The following MAP6 variants were observed in gnomAD, a reference collection of about 807,000 sequenced individuals.
MAP6 encodes microtubule associated protein 6.
A neutral mutation model predicts 42.4 loss-of-function variants in MAP6; 26 were observed. That is an observed-to-expected ratio of 0.61 (90% CI 0.45 to 0.85). The LOEUF is 0.85. Among genes scored for constraint, MAP6 ranks in the 40% least tolerant of loss-of-function variants. The pLI, the probability that MAP6 is intolerant of heterozygous loss-of-function variation, is 0.00. For missense variants in MAP6, 966 were observed against 1,099.0 expected, an observed-to-expected ratio of 0.88 and a Z score of 1.71; for synonymous variants, 418 against 443.8, an observed-to-expected ratio of 0.94 and a Z score of 0.73.
Position 75,605,373 on chromosome 11 carries a change from C to T in MAP6, c.1316+435G>A, listed in dbSNP as rs180798758. 217 of 987,950 alleles carry T rather than the reference C, an allele frequency of 2.2e-4. 1 individual carries two copies. In the African/African-American group the frequency reaches 2.4e-3, roughly 11 times the overall value. 61.2% of individuals were successfully genotyped at this position (987,950 alleles called of 1,614,324 possible). A position where few individuals can be genotyped will look rare whatever the true frequency, so the allele number is the denominator to read the frequency against. ...CAGGCTGAGCTTCTGTGGCACATGA[C>T]GATTCTCTGAATTTTTGAAAAGAAC... On this transcript the variant is annotated intron_variant, in intron 3 of 3. Coordinates refer to ENST00000304771, the MANE Select transcript of MAP6 (RefSeq NM_033063.2).
Position 75,587,491 on chromosome 11 carries a change from C to A in MAP6, c.2010G>T (p.Lys670Asn). ...GCCCTGAGACCACTAAACCTTGATT[C>A]TTTACAGGCTCAGAGACCATGGAAC... ...NQGSMVSEPV[K>N]NQGLVVSGPV... The change falls in exon 4 of 4, where the codon AAG becomes AAT. Residue 670 changes from lysine to asparagine, a missense_variant. Transcript: ENST00000304771. 2.5e-6 allele frequency: 4 copies of A among 1,614,202 alleles called. No individual in the cohort carries two copies. The highest frequency in any genetic ancestry group is 3.4e-6 in the Non-Finnish European group (4 of 1,180,026).
intron 3 of MAP6, among the ~76,000 whole-genome samples, chr11:75,592,015 A>G (rs960444252): frequency 6.6e-6 from 1 of 152,210 alleles, no homozygotes; most frequent in African/African-American, 2.4e-5. Context: ...GCCTTATGTC[A>G]TTCAACCCTC....
At chr11:75,656,033 G>A (rs1943743189) in intron 1 of MAP6, among the ~76,000 whole-genome samples, 1 of 152,210 alleles carries the variant, frequency 6.6e-6, no homozygotes, top group South Asian at 2.1e-4. Context: ...ACTCAATTAT[G>A]TCTCTGTTCT....
intron 1 of MAP6, among the ~76,000 whole-genome samples, chr11:75,612,441 T>A (rs963217735): frequency 6.6e-6 from 1 of 152,150 alleles, no homozygotes; most frequent in Non-Finnish European, 1.5e-5. Flanking sequence ...GGGAAAGGAA[T>A]GCTTAACTCT....
chr11:75,604,041 A>G, intron 3 of MAP6: 1 of 985,884 alleles, frequency 1.0e-6, no homozygotes, highest in South Asian at 4.7e-5. Context: ...TCATTTCCTG[A>G]TAGCTTTCAA....
chr11:75,603,875 C>T (rs2135583756), intron 3 of MAP6: 1 of 985,434 alleles, frequency 1.0e-6, no homozygotes, highest in East Asian at 1.1e-4. Context: ...CAAATTGTGG[C>T]TAGCATCAAC....
chr11:75,631,405 G>T (rs1223197697), intron 1 of MAP6, among the ~76,000 whole-genome samples: 1 of 152,186 alleles, frequency 6.6e-6, no homozygotes, highest in Non-Finnish European at 1.5e-5. Flanking sequence ...GTGGTGTGCA[G>T]ATTTAATGAA....
chr11:75,667,989 G>T lies in MAP6; in HGVS notation c.381C>A (p.Ala127=), dbSNP rs1368966050. The change falls in exon 1 of 4, where the codon GCC becomes GCA. Residue 127 remains alanine (A), a synonymous_variant. Coordinates refer to ENST00000304771, the MANE Select transcript of MAP6 (RefSeq NM_033063.2). The surrounding 1 kb of genome is among the most constrained non-coding windows in gnomAD (Gnocchi z 5.6). ...ADSVMRQDYR[A]WKVQRPEPSC... is the part of the protein sequence containing the mutation. The stretch of plus-strand genomic sequence containing the variant: ...TGGGCTCGGGCCGCTGCACCTTCCA[G>T]GCTCGGTAATCCTGCCGCATCACCG... 8 of 1,263,952 alleles carry T rather than the reference G, an allele frequency of 6.3e-6. No homozygotes were observed. The highest frequency in any genetic ancestry group is 8.0e-6 in the Non-Finnish European group (8 of 1,002,006). The allele number at this position is 1,263,952 out of a possible 1,614,324, so 78.3% of individuals were successfully genotyped here.
chr11:75,625,732 TCTTA>T (rs1215470541), intron 1 of MAP6, among the ~76,000 whole-genome samples: 2 of 152,340 alleles, frequency 1.3e-5, no homozygotes, highest in African/African-American at 2.4e-5. Context: ...AACTTTTTTC[TCTTA>T]CTTAAATATC....
At chr11:75,599,202 T>A (rs2135578912) in intron 3 of MAP6, among the ~76,000 whole-genome samples, 1 of 152,230 alleles carries the variant, frequency 6.6e-6, no homozygotes, top group South Asian at 2.1e-4. Context: ...TGGCCCCAGA[T>A]AAGAGTTCTG....
chr11:75,646,606 G>A (rs1455050788), intron 1 of MAP6, among the ~76,000 whole-genome samples: 6 of 151,370 alleles, frequency 4.0e-5, no homozygotes, highest in African/African-American at 1.5e-4. Context: ...GGAGTTCGAG[G>A]CCAGCCTGAC....
intron 1 of MAP6, among the ~76,000 whole-genome samples, chr11:75,615,906 G>T (rs1355321135): frequency 6.8e-6 from 1 of 146,038 alleles, no homozygotes; most frequent in Non-Finnish European, 1.5e-5. Context: ...TGTCACTGAT[G>T]AGGCCAGGCC....
chr11:75,603,863 T>A (rs1485743779), intron 3 of MAP6: 6 of 985,318 alleles, frequency 6.1e-6, no homozygotes, highest in Non-Finnish European at 7.2e-6. Flanking sequence ...TATGGAGAAA[T>A]CCAAATTGTG....
intron 1 of MAP6, among the ~76,000 whole-genome samples, chr11:75,620,343 T>C (rs2135611726): frequency 6.6e-6 from 1 of 152,088 alleles, no homozygotes; most frequent in East Asian, 1.9e-4. Flanking sequence ...TTGTGGCTCA[T>C]GCCTGTAGTC....
chr11:75,609,630 C>T (rs1942852135), intron 1 of MAP6, among the ~76,000 whole-genome samples: 1 of 152,238 alleles, frequency 6.6e-6, no homozygotes, highest in Admixed American at 6.5e-5. Context: ...GTCCTTCTAG[C>T]TCTGAGGCTG....
chr11:75,610,654 AT>A (rs1342233698), intron 1 of MAP6, among the ~76,000 whole-genome samples: 1 of 152,188 alleles, frequency 6.6e-6, no homozygotes, highest in African/African-American at 2.4e-5. Flanking sequence ...TGGAAAGAGA[AT>A]TTTGAGAGCA....
chr11:75,601,371 T>C (rs1014247011), intron 3 of MAP6, among the ~76,000 whole-genome samples: 10 of 152,366 alleles, frequency 6.6e-5, no homozygotes, highest in African/African-American at 2.2e-4. Flanking sequence ...AGCTTAATAA[T>C]ATGCTTTTAT....
intron 3 of MAP6, among the ~76,000 whole-genome samples, chr11:75,588,804 G>A (rs1343812569): frequency 6.6e-6 from 1 of 152,184 alleles, no homozygotes; most frequent in Non-Finnish European, 1.5e-5. Context: ...TGTATAGAAT[G>A]AGCAGCATAT....
chr11:75,642,112 G>A (rs914421869), intron 1 of MAP6, among the ~76,000 whole-genome samples: 1 of 152,140 alleles, frequency 6.6e-6, no homozygotes, highest in Admixed American at 6.5e-5. Flanking sequence ...TATTAGCTAC[G>A]CTTTTGAGGT....
Sources: allele counts gnomAD v4.1 joint callset (sites outside exome capture counted in the v4.1 genomes callset), GRCh38; gene constraint gnomAD v4.1.1; non-coding constraint Gnocchi (gnomAD v3.1); transcripts MANE v1.5; gene names NCBI Gene and HGNC (gene_info 2026-07-23, HGNC 2026-07-21).